The following HAPLN4 variants were observed in gnomAD, a reference collection of about 807,000 sequenced individuals.
HAPLN4 encodes the protein brain link protein 2.
Under a neutral mutation model 28.0 loss-of-function variants are expected in HAPLN4, and 19 were observed. The ratio of observed to expected loss-of-function variants is 0.68; its 90% CI spans 0.47 to 1.00. The LOEUF is 1.00. HAPLN4 is among the 50% of genes least tolerant of loss of function. HAPLN4 has a pLI of 0.00. For missense variants in HAPLN4, 587 were observed against 602.6 expected (o/e 0.97, Z 0.27); for synonymous variants, 274 against 273.0 (o/e 1.00, Z -0.03).
At chr19:19,262,224 A>T (rs1265648799) in intron 1 of HAPLN4, among the ~76,000 whole-genome samples, 1 of 148,434 alleles carries the variant, frequency 6.7e-6, no homozygotes, top group Non-Finnish European at 1.5e-5. Context: ...AAAGACAGAG[A>T]TGGAAAGGGA....
chr19:19,261,900 C>A (rs983648224), intron 1 of HAPLN4, among the ~76,000 whole-genome samples: 1 of 151,814 alleles, frequency 6.6e-6, no homozygotes, highest in Non-Finnish European at 1.5e-5. Flanking sequence ...GGAGGAGCGG[C>A]GGCAGCAAGG....
chr19:19,261,239 G>C, intron 2 of HAPLN4, 64 bp from the exon 3 acceptor site: 1 of 1,520,100 alleles, frequency 6.6e-7, no homozygotes. Flanking sequence ...TCTGGGGAAG[G>C]TGTCTCTGGG....
At position 19,256,764 on chromosome 19, in the gene HAPLN4, G is replaced by C. The variant is rs2060966869; in HGVS notation, c.*1053C>G. 1 of 152,800 alleles carries C rather than the reference G, an allele frequency of 6.5e-6. No individual in the cohort carries two copies. Among genetic ancestry groups the C allele is most frequent in the African/African-American group, 2.4e-5 (1 of 41,432 alleles). The allele number at this position is 152,800 out of a possible 1,614,324, so 9.5% of individuals were successfully genotyped here. On this transcript the variant is annotated 3_prime_UTR_variant, in exon 5 of 5. Transcript: ENST00000291481. ...TGAGTCAGGGTAGGGACAGCCAGAA[G>C]TTGAGGTGGAGGTCTCTGGGGTGGG...
At position 19,255,688 on chromosome 19, in the gene HAPLN4, A is replaced by G. The variant is rs2060963378; in HGVS notation, c.*2129T>C. 6.6e-6 allele frequency: 1 copy of G among 152,254 alleles called. No individual in the cohort carries two copies. Among genetic ancestry groups the G allele is most frequent in the Admixed American group, 6.5e-5 (1 of 15,282 alleles). The allele number at this position is 152,254 out of a possible 1,614,324, so 9.4% of individuals were successfully genotyped here. A position where few individuals can be genotyped will look rare whatever the true frequency, so the allele number is the denominator to read the frequency against. ...CAAGGATTTATTGAGCCCCTACTGT[A>G]TGCTTGGCACTCACGGGGACCACAG... On this transcript the variant is annotated 3_prime_UTR_variant, in exon 5 of 5. Transcript: ENST00000291481.
At chr19:19,259,189 G>A (rs961704958) in intron 3 of HAPLN4, among the ~76,000 whole-genome samples, 1 of 151,996 alleles carries the variant, frequency 6.6e-6, no homozygotes, top group Non-Finnish European at 1.5e-5. Flanking sequence ...CTCTTCCATT[G>A]AGTCCTGTGT....
At chr19:19,261,230 C>T in intron 2 of HAPLN4, 55 bp from the exon 3 acceptor site, 2 of 1,538,082 alleles carry the variant, frequency 1.3e-6, no homozygotes, top group African/African-American at 1.4e-5. Context: ...AAGGGGGCCT[C>T]TGGGGAAGGT....
rs1486586792 is a variant in HAPLN4 at position 19,258,193 on chromosome 19, A to G, written c.833T>C (p.Leu278Pro). ...GAAGGGTACAGGTCGCAGCGGCTTCAGGAAGAACACGCGCCCTGCGGGGGT... is the reference window on the plus strand; with the variant it reads ...GAAGGGTACAGGTCGCAGCGGCTTCGGGAAGAACACGCGCCCTGCGGGGGT... ...TSNLPGRVFF[L>P]KPLRPVPFSG... The change falls in exon 5 of 5, where the codon CTG (leucine) becomes CCG (proline). Residue 278 changes from leucine (L) to proline (P), a missense_variant. Physicochemically the swap from Leu to Pro is moderately conservative, Grantham distance 98 (BLOSUM62 -3). Transcript: ENST00000291481. The surrounding 1 kb of genome is among the most constrained non-coding windows in gnomAD (Gnocchi z 6.2). 4 of 1,506,354 alleles carry G rather than the reference A, an allele frequency of 2.7e-6. No individual in the cohort carries two copies. Among genetic ancestry groups the G allele is most frequent in the Non-Finnish European group, 3.5e-6 (4 of 1,129,758 alleles). The allele number at this position is 1,506,354 out of a possible 1,614,324, so 93.3% of individuals were successfully genotyped here.
chr19:19,261,825 A>C, intron 1 of HAPLN4: 3 of 387,146 alleles, frequency 7.7e-6, no homozygotes, highest in Non-Finnish European at 9.1e-6. Flanking sequence ...CCAAAACCCG[A>C]GGCTCGCTGC....
intron 1 of HAPLN4, 108 bp downstream of exon 1, chr19:19,262,622 G>T: frequency 7.8e-7 from 1 of 1,289,410 alleles, no homozygotes; most frequent in Non-Finnish European, 1.1e-6. Context: ...CAGAGAAAAG[G>T]AAGAGACAGA....
Position 19,258,677 on chromosome 19 carries a change from G to GTATT in HAPLN4, c.659_662dup (p.Tyr221Ter). 2 of 1,609,574 alleles carry GTATT rather than the reference G, an allele frequency of 1.2e-6. No homozygotes were observed. The highest frequency in any genetic ancestry group is 2.7e-5 in the African/African-American group (2 of 74,976). On this transcript the variant is annotated stop_gained and frameshift_variant, in exon 4 of 5. Coordinates refer to ENST00000291481, the MANE Select transcript of HAPLN4 (RefSeq NM_023002.3). LOFTEE classifies it high-confidence loss of function. This position sits in a 1 kb window ranked among gnomAD's most constrained non-coding sequence, Gnocchi z 6.2. ...AGGGCTCCCGGGGCCGGTTCACGGG[G>GTATT]TATTGCACTGAGCCGTCGCGCAACC...
Position 19,258,996 on chromosome 19 carries a change from C to T in HAPLN4, c.485-141G>A. 1.6e-6 allele frequency: 1 copy of T among 642,424 alleles called. No homozygotes were observed. Among genetic ancestry groups the T allele is most frequent in the South Asian group, 2.1e-5 (1 of 48,380 alleles). The allele number at this position is 642,424 out of a possible 1,614,324, so 39.8% of individuals were successfully genotyped here. ...TGGCCTCAGACCTGACCACGATCCT[C>T]CCCAGCTCACACCCCATATAGCTGT... On this transcript the variant is annotated intron_variant, in intron 3 of 4. Transcript: ENST00000291481. This position sits in a 1 kb window ranked among gnomAD's most constrained non-coding sequence, Gnocchi z 6.2.
Position 19,258,634 on chromosome 19 carries a change from TC to T in HAPLN4, c.705del (p.Thr236ProfsTer43), listed in dbSNP as rs778286592. 2 of 1,611,624 alleles carry T rather than the reference TC, an allele frequency of 1.2e-6. No individual in the cohort carries two copies. On this transcript the variant is annotated frameshift_variant, in exon 4 of 5. Coordinates refer to ENST00000291481, the MANE Select transcript of HAPLN4 (RefSeq NM_023002.3). LOFTEE classifies it high-confidence loss of function. This position sits in a 1 kb window ranked among gnomAD's most constrained non-coding sequence, Gnocchi z 6.2. The part of the protein sequence containing the change: ...RPREPCGGLG[G>X]TGSAGGGGDA... ...TCACCGCCGCCCCCTGCACTCCCGGTCCCCCCCAGGCCGCCGCAGGGCTCCC... is the reference window on the plus strand; with the variant it reads ...TCACCGCCGCCCCCTGCACTCCCGGTCCCCCCAGGCCGCCGCAGGGCTCCC...
In HAPLN4 at chr19:19,258,373, A is replaced by C; in HGVS notation, c.817+150T>G. 1 of 1,081,248 alleles carries C rather than the reference A, an allele frequency of 9.2e-7. No individual in the cohort carries two copies. The highest frequency in any genetic ancestry group is 1.3e-6 in the Non-Finnish European group (1 of 767,122). The allele number at this position is 1,081,248 out of a possible 1,614,324, so 67.0% of individuals were successfully genotyped here. ...CTGGGACCCCAGCCTAGGCCCAACC[A>C]GCGTTGGTACCAGGCGGTGTGTGCT... On this transcript the variant is annotated intron_variant, in intron 4 of 4. Transcript: ENST00000291481. The surrounding 1 kb of genome is among the most constrained non-coding windows in gnomAD (Gnocchi z 6.2).
intron 1 of HAPLN4, among the ~76,000 whole-genome samples, chr19:19,262,119 G>C (rs1159285619): frequency 2.6e-5 from 4 of 151,878 alleles, no homozygotes; most frequent in African/African-American, 9.7e-5. Context: ...GAAAAGAAGA[G>C]ACAGATGTAG....
In HAPLN4 at chr19:19,260,072, T is replaced by C. The variant is rs1017475165; in HGVS notation, c.484+741A>G. On this transcript the variant is annotated intron_variant, in intron 3 of 4. Coordinates refer to ENST00000291481, the MANE Select transcript of HAPLN4 (RefSeq NM_023002.3). ...AAGAGAAGCCTGTCGGAAGAAAGCC[T>C]ACCTGGGAAGCAGAGCAGAAGGATG... Among the ~76,000 whole-genome samples, 16 of 152,266 alleles carry C rather than the reference T, an allele frequency of 1.1e-4. 1 individual carries two copies. In the Middle Eastern group the frequency reaches 0.017, roughly 162 times the overall value.
rs1033776435 is a variant in HAPLN4, at chr19:19,261,051, G to A, written c.246C>T (p.Val82=). 3 of 1,613,326 alleles carry A rather than the reference G, an allele frequency of 1.9e-6. No individual in the cohort carries two copies. In the African/African-American group the frequency reaches 4.0e-5, roughly 21 times the overall value. The change falls in exon 3 of 5, where the codon GTC becomes GTT. Residue 82 remains valine, a synonymous_variant. Coordinates refer to ENST00000291481, the MANE Select transcript of HAPLN4 (RefSeq NM_023002.3). ...YEAAAHGHDG[V]RLKWTKVVDP... ...CCACCACCTTTGTCCACTTGAGCCG[G>A]ACGCCGTCGTGACCGTGGGCGGCTG...
In HAPLN4 at chr19:19,255,036, A is replaced by C. The variant is rs1347438571; in HGVS notation, c.*2781T>G. 2 of 152,180 alleles carry C rather than the reference A, an allele frequency of 1.3e-5. No individual in the cohort carries two copies. Among genetic ancestry groups the C allele is most frequent in the Non-Finnish European group, 2.9e-5 (2 of 68,050 alleles). 9.4% of individuals were successfully genotyped at this position (152,180 alleles called of 1,614,324 possible). ...ATATTCATGTCAGGGAAAGTTTGTA[A>C]TGTCTCTCCCTTCCTGGTACAGGAA... is the stretch of plus-strand genomic sequence containing the variant. On this transcript the variant is annotated 3_prime_UTR_variant, in exon 5 of 5. Coordinates refer to ENST00000291481, the MANE Select transcript of HAPLN4 (RefSeq NM_023002.3).
chr19:19,261,887 G>A (rs2060984899), intron 1 of HAPLN4, among the ~76,000 whole-genome samples: 1 of 152,072 alleles, frequency 6.6e-6, no homozygotes, highest in Non-Finnish European at 1.5e-5. Flanking sequence ...GTGGGGAAGA[G>A]CTGGAGGAGC....
chr19:19,261,628 C>T, intron 1 of HAPLN4, 65 bp from the exon 2 acceptor site: 1 of 1,072,096 alleles, frequency 9.3e-7, no homozygotes, highest in Non-Finnish European at 1.3e-6. Context: ...GGCCTGGCTC[C>T]CTCCCGGGCC....
Sources: gnomAD v4.1 joint callset for allele counts (sites outside exome capture counted in the v4.1 genomes callset) on GRCh38, gnomAD v4.1.1 for gene constraint, Gnocchi (gnomAD v3.1) non-coding constraint, MANE v1.5 for transcripts, NCBI Gene and HGNC (gene_info 2026-07-23, HGNC 2026-07-21) for gene names.